NLGN1: variants seen among roughly 807,000 people sequenced by gnomAD.
NLGN1 encodes the protein neuroligin 1, also known as neuroligin-1.
A neutral mutation model predicts 65.5 loss-of-function variants in NLGN1; 12 were observed. That is an observed-to-expected ratio of 0.18 (90% CI 0.12 to 0.30). NLGN1 has a LOEUF of 0.30. NLGN1 is among the 10% of genes least tolerant of loss of function. The pLI is 1.00. For missense variants in NLGN1, 750 were observed against 1,007.1 expected (o/e 0.74, Z 3.46); for synonymous variants, 350 against 359.5 (o/e 0.97, Z 0.30).
At chr3:173,493,609 C>T (rs868445530) in intron 2 of NLGN1, among the ~76,000 whole-genome samples, 4 of 151,782 alleles carry the variant, frequency 2.6e-5, no homozygotes. Flanking sequence ...TCAGTGTTAA[C>T]AGCAAACACA....
intron 2 of NLGN1, among the ~76,000 whole-genome samples, chr3:173,568,186 C>T (rs1482653884): frequency 1.3e-5 from 2 of 149,436 alleles, no homozygotes; most frequent in South Asian, 4.3e-4. Flanking sequence ...TTCTTTTCTT[C>T]CCTTTTCTTT....
intron 4 of NLGN1, among the ~76,000 whole-genome samples, chr3:174,043,849 C>T (rs1016480446): frequency 6.6e-6 from 1 of 152,210 alleles, no homozygotes; most frequent in Non-Finnish European, 1.5e-5. Flanking sequence ...GAGTCTTTGA[C>T]ACCCCTATTT....
At chr3:173,559,771 A>G (rs1742348578) in intron 2 of NLGN1, among the ~76,000 whole-genome samples, 3 of 152,192 alleles carry the variant, frequency 2.0e-5, no homozygotes, top group Non-Finnish European at 4.4e-5. Flanking sequence ...TATGAATGCT[A>G]GAAGGTTTTT....
chr3:173,648,249 T>C (rs1403889357), intron 3 of NLGN1, among the ~76,000 whole-genome samples: 1 of 152,164 alleles, frequency 6.6e-6, no homozygotes, highest in Non-Finnish European at 1.5e-5. Flanking sequence ...TCAAATAATA[T>C]ATCTGTAAAG....
rs1160284527 is a variant in NLGN1 at position 173,862,662 on chromosome 3, CTG to C, written c.646+54833_646+54834del. Among the ~76,000 whole-genome samples the C allele has an allele frequency of 2.6e-5, 4 of 151,926 alleles. No individual in the cohort carries two copies. The East Asian group carries it at 7.7e-4, about 29-fold the overall frequency. On this transcript the variant is annotated intron_variant, in intron 4 of 6. Transcript: ENST00000457714. Reference sequence around the variant, plus strand: ...AGAAAGGGAAACACCAAGCGAATAACTGTGACTATTTAGACAGCATTTTATTT... The same window carrying C: ...AGAAAGGGAAACACCAAGCGAATAACTGACTATTTAGACAGCATTTTATTT...
At chr3:173,991,511 C>G (rs1721095568) in intron 4 of NLGN1, among the ~76,000 whole-genome samples, 1 of 152,050 alleles carries the variant, frequency 6.6e-6, no homozygotes, top group South Asian at 2.1e-4. Context: ...TGTTACTAGC[C>G]ACACGTGTCT....
At chr3:174,020,306 G>T (rs771810166) in intron 4 of NLGN1, among the ~76,000 whole-genome samples, 1 of 152,010 alleles carries the variant, frequency 6.6e-6, no homozygotes, top group African/African-American at 2.4e-5. Flanking sequence ...AAAATTTTAG[G>T]CTGAGACTTG....
intron 2 of NLGN1, among the ~76,000 whole-genome samples, chr3:173,479,298 A>G (rs201588724): frequency 2.2e-5 from 1 of 46,124 alleles, no homozygotes; most frequent in East Asian, 6.3e-3. Context: ...TAAGAAAATA[A>G]AAGAGTGAGG....
At position 173,458,354 on chromosome 3, in the gene NLGN1, C is replaced by T. The variant is rs138398940; in HGVS notation, c.-321+23276C>T. Among the ~76,000 whole-genome samples the T allele has an allele frequency of 8.9e-3, 1,357 of 152,066 alleles. 7 individuals carry two copies. The highest frequency in any genetic ancestry group is 0.014 in the Middle Eastern group (4 of 294). ...GAAAGAGGGAGGGATCACTGGTGTC[C>T]TGTGGAGCAATATGGTGCTGGACAT... On this transcript the variant is annotated intron_variant, in intron 2 of 6. Coordinates refer to ENST00000457714, the Ensembl canonical transcript of NLGN1.
chr3:174,174,047 G>C (rs1043616375), intron 4 of NLGN1, among the ~76,000 whole-genome samples: 2 of 151,924 alleles, frequency 1.3e-5, no homozygotes, highest in African/African-American at 4.8e-5. Flanking sequence ...TCATAACTTA[G>C]CTCCCACATA....
At chr3:173,935,787 G>C (rs1206342042) in intron 4 of NLGN1, among the ~76,000 whole-genome samples, 2 of 151,828 alleles carry the variant, frequency 1.3e-5, no homozygotes, top group Non-Finnish European at 2.9e-5. Context: ...TAAACCAATT[G>C]TTAGTGAAAG....
At chr3:173,723,290 C>G (rs1464653085) in intron 3 of NLGN1, among the ~76,000 whole-genome samples, 1 of 152,166 alleles carries the variant, frequency 6.6e-6, no homozygotes, top group African/African-American at 2.4e-5. Flanking sequence ...TCATTGTTAG[C>G]TTCATCATTA....
chr3:173,949,350 C>G (rs758398173), intron 4 of NLGN1, among the ~76,000 whole-genome samples: 1 of 152,086 alleles, frequency 6.6e-6, no homozygotes, highest in Non-Finnish European at 1.5e-5. Flanking sequence ...GATAAAACTT[C>G]TTAATCTACA....
intron 4 of NLGN1, among the ~76,000 whole-genome samples, chr3:173,990,488 T>C (rs902482401): frequency 6.6e-6 from 1 of 152,336 alleles, no homozygotes; most frequent in Middle Eastern, 3.4e-3. Flanking sequence ...AATTTTATAT[T>C]ACTATATCAC....
intron 3 of NLGN1, among the ~76,000 whole-genome samples, chr3:173,697,931 C>T (rs1482179012): frequency 1.3e-5 from 2 of 151,510 alleles, no homozygotes; most frequent in Non-Finnish European, 2.9e-5. Flanking sequence ...TTTAGTAATA[C>T]ATTAATTTTT....
intron 1 of NLGN1, among the ~76,000 whole-genome samples, chr3:173,422,908 A>G (rs992213484): frequency 2.6e-5 from 4 of 152,178 alleles, no homozygotes; most frequent in African/African-American, 9.7e-5. Flanking sequence ...GTATTAGTCC[A>G]TTCTCACACT....
chr3:173,835,381 G>A (rs774407150), intron 4 of NLGN1, among the ~76,000 whole-genome samples: 7 of 152,062 alleles, frequency 4.6e-5, no homozygotes, highest in Non-Finnish European at 7.4e-5. Context: ...TGATAAGAGG[G>A]TAAAACCTTG....
chr3:173,865,815 T>C (rs1730041787), intron 4 of NLGN1, among the ~76,000 whole-genome samples: 1 of 152,210 alleles, frequency 6.6e-6, no homozygotes, highest in Non-Finnish European at 1.5e-5. Flanking sequence ...AACCTGACAC[T>C]GGAAGAGAGA....
intron 2 of NLGN1, among the ~76,000 whole-genome samples, chr3:173,585,273 C>T (rs1335041601): frequency 5.3e-5 from 8 of 152,102 alleles, no homozygotes; most frequent in African/African-American, 1.9e-4. Context: ...TTGAAAATCT[C>T]TCAGTTGGGA....
Sources: gnomAD v4.1 joint callset for allele counts (sites outside exome capture counted in the v4.1 genomes callset) on GRCh38, gnomAD v4.1.1 for gene constraint, MANE v1.5 for transcripts, NCBI Gene and HGNC (gene_info 2026-07-23, HGNC 2026-07-21) for gene names.